The following CTNNA3 variants were observed in gnomAD, a reference collection of about 807,000 sequenced individuals.
The protein encoded by CTNNA3 is catenin alpha-3.
CTNNA3 carries 76 observed loss-of-function variants against 95.7 expected under a neutral mutation model. That is an observed-to-expected ratio of 0.79 (90% CI 0.66 to 0.96). The LOEUF (loss-of-function observed/expected upper bound fraction) is 0.96. Ranked by LOEUF, CTNNA3 falls within the 40% of genes least tolerant of loss-of-function variation. The pLI, the probability that CTNNA3 is intolerant of heterozygous loss-of-function variation, is 0.00. For synonymous variants in CTNNA3, 431 were observed against 374.4 expected (o/e 1.15, Z -1.74); for missense variants, 1,191 against 1,089.8 (o/e 1.09, Z -1.31).
chr10:65,936,973 T>C (rs1030189808), intron 17 of CTNNA3, among the ~76,000 whole-genome samples: 23 of 151,736 alleles, frequency 1.5e-4, no homozygotes, highest in Admixed American at 5.3e-4. Context: ...TTACATAAGT[T>C]ATATAACTAT....
intron 5 of CTNNA3, among the ~76,000 whole-genome samples, chr10:67,269,753 T>C (rs996306907): frequency 5.3e-5 from 8 of 152,266 alleles, no homozygotes; most frequent in African/African-American, 1.9e-4. Flanking sequence ...AGTCCTAGTA[T>C]TACCAATCTG....
intron 11 of CTNNA3, among the ~76,000 whole-genome samples, chr10:66,441,138 G>C (rs1370651883): frequency 6.6e-6 from 1 of 152,088 alleles, no homozygotes; most frequent in Non-Finnish European, 1.5e-5. Flanking sequence ...TTTGAGACCA[G>C]ACTTAGCAAC....
At chr10:66,307,016 G>T (rs984976393) in intron 12 of CTNNA3, among the ~76,000 whole-genome samples, 1 of 152,084 alleles carries the variant, frequency 6.6e-6, no homozygotes, top group African/African-American at 2.4e-5. Context: ...CAGGCACAAC[G>T]GCAAGCATTT....
intron 5 of CTNNA3, among the ~76,000 whole-genome samples, chr10:67,308,258 TA>T (rs1450434468): frequency 6.6e-6 from 1 of 152,220 alleles, no homozygotes; most frequent in Non-Finnish European, 1.5e-5. Flanking sequence ...GTAGCTCCCA[TA>T]ATACCCATGT....
At chr10:67,725,104 C>T (rs1341914100) in intron 1 of CTNNA3, among the ~76,000 whole-genome samples, 4 of 151,898 alleles carry the variant, frequency 2.6e-5, no homozygotes, top group East Asian at 3.8e-4. Flanking sequence ...GATAAAACAA[C>T]GGATTCGTAG....
chr10:65,987,355 A>T (rs115644324), intron 16 of CTNNA3, among the ~76,000 whole-genome samples: 3,028 of 152,138 alleles, frequency 0.02, 103 homozygotes, highest in African/African-American at 0.069. Flanking sequence ...ACAAATTTAA[A>T]AATGGGCAAA....
intron 11 of CTNNA3, among the ~76,000 whole-genome samples, chr10:66,423,586 A>C (rs953045551): frequency 2.6e-5 from 4 of 152,128 alleles, no homozygotes; most frequent in Non-Finnish European, 5.9e-5. Context: ...AACCAGAGAC[A>C]TGCCAGCCCT....
intron 11 of CTNNA3, among the ~76,000 whole-genome samples, chr10:66,401,562 G>C (rs1455396230): frequency 4.4e-5 from 5 of 113,010 alleles, no homozygotes; most frequent in South Asian, 3.4e-4. Context: ...CACACACACA[G>C]CATAGTAGCT....
chr10:66,338,992 G>T (rs2092425726), intron 12 of CTNNA3, among the ~76,000 whole-genome samples: 1 of 151,834 alleles, frequency 6.6e-6, no homozygotes, highest in Admixed American at 6.6e-5. Context: ...CATTCACATA[G>T]TGAACTATTA....
intron 1 of CTNNA3, among the ~76,000 whole-genome samples, chr10:67,660,973 A>G (rs1243500003): frequency 2.2e-4 from 34 of 151,968 alleles, no homozygotes; most frequent in Admixed American, 2.2e-3. Flanking sequence ...ATACATTGAG[A>G]TATTCTTTCT....
chr10:67,165,206 G>C (rs771793681), intron 7 of CTNNA3, among the ~76,000 whole-genome samples: 1 of 152,128 alleles, frequency 6.6e-6, no homozygotes, highest in Admixed American at 6.6e-5. Flanking sequence ...ATCCAACTTG[G>C]ATGGATCTCT....
At chr10:67,604,883 TTA>T (rs1013376712) in intron 3 of CTNNA3, among the ~76,000 whole-genome samples, 1 of 152,214 alleles carries the variant, frequency 6.6e-6, no homozygotes, top group African/African-American at 2.4e-5. Context: ...ATTTTGCACA[TTA>T]TGTTTTCTAT....
At chr10:67,138,557 G>T (rs12572946) in intron 7 of CTNNA3, among the ~76,000 whole-genome samples, 4 of 152,100 alleles carry the variant, frequency 2.6e-5, no homozygotes, top group African/African-American at 9.7e-5. Context: ...TAAGTGCCCA[G>T]CACTGTCCCT....
chr10:66,664,826 T>G (rs1237918910), intron 9 of CTNNA3, among the ~76,000 whole-genome samples: 1 of 151,670 alleles, frequency 6.6e-6, no homozygotes, highest in Non-Finnish European at 1.5e-5. Flanking sequence ...AATTTTGTCC[T>G]TACGACAATA....
intron 12 of CTNNA3, among the ~76,000 whole-genome samples, chr10:66,345,244 T>C (rs759359208): frequency 1.3e-5 from 2 of 152,152 alleles, no homozygotes; most frequent in Non-Finnish European, 2.9e-5. Flanking sequence ...GGCTAGAATG[T>C]AGTTTATAGC....
At chr10:66,724,151 G>A (rs1391098693) in intron 9 of CTNNA3, among the ~76,000 whole-genome samples, 3 of 152,066 alleles carry the variant, frequency 2.0e-5, no homozygotes, top group East Asian at 1.9e-4. Flanking sequence ...GAGAAGAAAC[G>A]ATGAAGTACT....
At chr10:65,954,230 G>T (rs2077683846) in intron 17 of CTNNA3, among the ~76,000 whole-genome samples, 1 of 152,162 alleles carries the variant, frequency 6.6e-6, no homozygotes, top group Admixed American at 6.5e-5. Context: ...TTTTGATGGG[G>T]CTGTTTGATT....
At chr10:67,146,060 T>C (rs1438837788) in intron 7 of CTNNA3, among the ~76,000 whole-genome samples, 2 of 152,090 alleles carry the variant, frequency 1.3e-5, no homozygotes, top group Admixed American at 1.3e-4. Flanking sequence ...TGGATCCATG[T>C]ACTGCACCTT....
At chr10:66,023,266 A>G (rs1456023399) in intron 15 of CTNNA3, among the ~76,000 whole-genome samples, 1 of 152,212 alleles carries the variant, frequency 6.6e-6, no homozygotes, top group Non-Finnish European at 1.5e-5. Flanking sequence ...TGGAATTGCA[A>G]TGTTTACTTA....
Sources: allele counts gnomAD v4.1 joint callset (sites outside exome capture counted in the v4.1 genomes callset), GRCh38; gene constraint gnomAD v4.1.1; transcripts MANE v1.5; gene names NCBI Gene and HGNC (gene_info 2026-07-23, HGNC 2026-07-21).